TOX4: variants seen among roughly 807,000 people sequenced by gnomAD.
TOX4 encodes TOX high mobility group box family member 4, also known as epidermal Langerhans cell protein LCP1.
In TOX4, 12 loss-of-function variants were observed where a neutral mutation model predicts 61.0. The observed-to-expected ratio is 0.20, with a 90% CI of 0.13 to 0.32. TOX4 has a LOEUF of 0.32. Ranked by LOEUF, TOX4 falls within the 10% of genes least tolerant of loss-of-function variation. TOX4 has a pLI of 1.00. For synonymous variants in TOX4, 268 were observed against 274.8 expected, an observed-to-expected ratio of 0.98 and a Z score of 0.24; for missense variants, 499 against 753.3, an observed-to-expected ratio of 0.66 and a Z score of 3.95.
chr14:21,496,465 CA>C (rs1001892833), intron 8 of TOX4, 80 bp from the exon 9 acceptor site: 30,293 of 1,009,414 alleles, frequency 0.03, 2 homozygotes, highest in South Asian at 0.037. Context: ...AGGTCCGTCT[CA>C]AAAAAAAAAA....
chr14:21,489,827 C>T (rs28608673), intron 5 of TOX4, among the ~76,000 whole-genome samples: 76,084 of 151,584 alleles, frequency 0.5, 19,262 homozygotes, highest in East Asian at 0.63. Flanking sequence ...GTGATCCACC[C>T]GCCTCGGCCT....
At chr14:21,491,827 C>G (rs995772223) in intron 5 of TOX4, among the ~76,000 whole-genome samples, 1 of 150,362 alleles carries the variant, frequency 6.7e-6, no homozygotes, top group African/African-American at 2.4e-5. Context: ...CTGGCTAACA[C>G]AGCGAAACCC....
intron 2 of TOX4, among the ~76,000 whole-genome samples, chr14:21,479,298 C>G (rs1197832557): frequency 1.3e-5 from 2 of 148,228 alleles, no homozygotes; most frequent in Admixed American, 1.4e-4. Context: ...AGTTCTAGAC[C>G]AGCTTGGGCA....
At position 21,477,232 on chromosome 14, in the gene TOX4, CGGT is replaced by C. The variant is rs1891005627; in HGVS notation, c.-44_-42del. ...ACGGCAGTTCCGAGTCCAGTGGGGGCGGTGGGAGCGATGAGGGTCTGAGACGGT... is the reference window on the plus strand; with the variant it reads ...ACGGCAGTTCCGAGTCCAGTGGGGGCGGGAGCGATGAGGGTCTGAGACGGT... On this transcript the variant is annotated 5_prime_UTR_variant, in exon 1 of 9. Transcript: ENST00000448790. 1 of 1,613,718 alleles carries C rather than the reference CGGT, an allele frequency of 6.2e-7. No individual in the cohort carries two copies.
chr14:21,477,657 G>C, intron 2 of TOX4, 93 bp downstream of exon 2: 1 of 1,440,896 alleles, frequency 6.9e-7, no homozygotes, highest in East Asian at 2.3e-5. Context: ...GGGGACGGGG[G>C]CTGGGAACCA....
chr14:21,489,461 A>T (rs1891246892), intron 5 of TOX4, 58 bp downstream of exon 5: 2 of 1,479,616 alleles, frequency 1.4e-6, no homozygotes, highest in Non-Finnish European at 1.8e-6. Context: ...AAGAGATAAA[A>T]ATTGAGGTTT....
At chr14:21,488,151 C>T (rs538957270) in intron 3 of TOX4, 46 of 173,250 alleles carry the variant, frequency 2.7e-4, no homozygotes, top group African/African-American at 8.1e-4. Context: ...TCCAGCACAT[C>T]GAACCAGTAA....
chr14:21,493,443 TTTTG>T (rs570580723), intron 7 of TOX4, among the ~76,000 whole-genome samples, 186 bp downstream of exon 7: 7 of 152,266 alleles, frequency 4.6e-5, no homozygotes, highest in South Asian at 4.1e-4. Flanking sequence ...ACTGTTTTTT[TTTTG>T]TTTGTTTGTT....
rs1891473576 is a variant in TOX4, at chr14:21,498,664, C to T, written c.*2058C>T. The T allele has an allele frequency of 4.1e-6, 2 of 493,132 alleles. No individual in the cohort carries two copies. Among genetic ancestry groups the T allele is most frequent in the Non-Finnish European group, 7.2e-6 (2 of 277,018 alleles). The allele number at this position is 493,132 out of a possible 1,614,324, so 30.5% of individuals were successfully genotyped here. ...ATTCTTTGGATAAGCAAAATGCTAG[C>T]AGCATGTGTTTTAAGCTCTGTTAAG... On this transcript the variant is annotated 3_prime_UTR_variant, in exon 9 of 9. Coordinates refer to ENST00000448790, the MANE Select transcript of TOX4 (RefSeq NM_014828.4).
In TOX4 at chr14:21,498,981, A is replaced by C. The variant is rs773004552; in HGVS notation, c.*2375A>C. On this transcript the variant is annotated 3_prime_UTR_variant, in exon 9 of 9. Transcript: ENST00000448790. ...CTACTAAGTTCTGTCCTTAATCATA[A>C]ATAATAGCCCCTTGAGGACTAGCCT... The C allele has an allele frequency of 5.9e-6, 8 of 1,349,552 alleles. No homozygotes were observed. The highest frequency in any genetic ancestry group is 7.5e-6 in the Non-Finnish European group (7 of 939,360). The allele number at this position is 1,349,552 out of a possible 1,614,324, so 83.6% of individuals were successfully genotyped here.
Position 21,498,980 on chromosome 14 carries a change from AAAT to A in TOX4, c.*2379_*2381del, listed in dbSNP as rs878894379. 7.4e-7 allele frequency: 1 copy of A among 1,343,466 alleles called. No individual in the cohort carries two copies. The highest frequency in any genetic ancestry group is 1.1e-6 in the Non-Finnish European group (1 of 933,906). The allele number at this position is 1,343,466 out of a possible 1,614,324, so 83.2% of individuals were successfully genotyped here. On this transcript the variant is annotated 3_prime_UTR_variant, in exon 9 of 9. Transcript: ENST00000448790. ...TCTACTAAGTTCTGTCCTTAATCAT[AAAT>A]AATAGCCCCTTGAGGACTAGCCTGT... is the stretch of plus-strand genomic sequence containing the variant.
At position 21,488,817 on chromosome 14, in the gene TOX4, A is replaced by C; in HGVS notation, c.546A>C (p.Ser182=). ...RLSTTPSPTS[S]LHEDGVEDFR... is the part of the protein sequence containing the mutation. ...CAACCACCCCTTCACCTACTAGTTC[A>C]CTTCACGAGGATGGTGTTGAGGATT... The change falls in exon 4 of 9, where the codon TCA becomes TCC. Residue 182 remains serine, a synonymous_variant. Coordinates refer to ENST00000448790, the MANE Select transcript of TOX4 (RefSeq NM_014828.4). The C allele has an allele frequency of 6.2e-7, 1 of 1,614,094 alleles. No homozygotes were observed. Among genetic ancestry groups the C allele is most frequent in the South Asian group, 1.1e-5 (1 of 91,084 alleles).
At position 21,498,660 on chromosome 14, in the gene TOX4, C is replaced by T. The variant is rs180978294; in HGVS notation, c.*2054C>T. ...GAGTATTCTTTGGATAAGCAAAATGCTAGCAGCATGTGTTTTAAGCTCTGT... is the reference window on the plus strand; with the variant it reads ...GAGTATTCTTTGGATAAGCAAAATGTTAGCAGCATGTGTTTTAAGCTCTGT... On this transcript the variant is annotated 3_prime_UTR_variant, in exon 9 of 9. Transcript: ENST00000448790. 2.4e-4 allele frequency: 121 copies of T among 495,812 alleles called. No homozygotes were observed. Among genetic ancestry groups the T allele is most frequent in the African/African-American group, 1.9e-3 (100 of 52,064 alleles). The allele number at this position is 495,812 out of a possible 1,614,324, so 30.7% of individuals were successfully genotyped here.
intron 5 of TOX4, 99 bp downstream of exon 5, chr14:21,489,502 C>A: frequency 9.7e-7 from 1 of 1,034,766 alleles, no homozygotes; most frequent in Non-Finnish European, 1.4e-6. Flanking sequence ...TATCTAATAT[C>A]AGCTGTTTGT....
At chr14:21,490,517 A>C (rs1891268795) in intron 5 of TOX4, among the ~76,000 whole-genome samples, 1 of 152,192 alleles carries the variant, frequency 6.6e-6, no homozygotes, top group African/African-American at 2.4e-5. Flanking sequence ...GCATCTTTAC[A>C]ATAACTCTCA....
At chr14:21,479,572 T>C (rs1566478532) in intron 2 of TOX4, among the ~76,000 whole-genome samples, 1 of 152,042 alleles carries the variant, frequency 6.6e-6, no homozygotes, top group East Asian at 1.9e-4. Context: ...CGCTTGAACC[T>C]GGGAGGCAGA....
intron 2 of TOX4, among the ~76,000 whole-genome samples, chr14:21,478,481 A>G (rs563832724): frequency 6.7e-6 from 1 of 150,234 alleles, no homozygotes; most frequent in East Asian, 2.0e-4. Flanking sequence ...AAGTAGAAGT[A>G]AAGGTTATGA....
At chr14:21,494,514 G>A (rs936759981) in intron 7 of TOX4, among the ~76,000 whole-genome samples, 6 of 152,096 alleles carry the variant, frequency 3.9e-5, no homozygotes, top group African/African-American at 7.2e-5. Flanking sequence ...TTGGGAGGCC[G>A]AGGTGGGCGG....
At chr14:21,483,568 T>C (rs1891143652) in intron 2 of TOX4, among the ~76,000 whole-genome samples, 1 of 151,880 alleles carries the variant, frequency 6.6e-6, no homozygotes, top group Admixed American at 6.6e-5. Context: ...TCCTAGAACT[T>C]TGGGAGGCCA....
Sources: allele counts gnomAD v4.1 joint callset (sites outside exome capture counted in the v4.1 genomes callset), GRCh38; gene constraint gnomAD v4.1.1; transcripts MANE v1.5; gene names NCBI Gene and HGNC (gene_info 2026-07-23, HGNC 2026-07-21).